DOCK4: variants seen among roughly 807,000 people sequenced by gnomAD.
DOCK4 encodes dedicator of cytokinesis 4, also known as dedicator of cytokinesis protein 4.
In DOCK4, 97 loss-of-function variants were observed where a neutral mutation model predicts 268.1. That is an observed-to-expected ratio of 0.36 (90% confidence interval 0.31 to 0.43). The LOEUF is 0.43. DOCK4 is among the 20% of genes least tolerant of loss of function. The probability of loss-of-function intolerance (pLI) is 1.00; values close to 1 mark genes in which losing one functional copy is unlikely to be tolerated. For missense variants in DOCK4, 2,145 were observed against 2,455.7 expected (o/e 0.87, Z 2.67); for synonymous variants, 954 against 887.2 (o/e 1.08, Z -1.34).
intron 1 of DOCK4, among the ~76,000 whole-genome samples, chr7:112,033,906 A>C (rs1803505409): frequency 6.6e-6 from 1 of 152,226 alleles, no homozygotes; most frequent in Admixed American, 6.5e-5. Context: ...CTGAAGCAAT[A>C]CCTAGAAATA....
chr7:111,863,347 A>ATT, intron 23 of DOCK4, 25 bp downstream of exon 23: 1 of 1,613,802 alleles, frequency 6.2e-7, no homozygotes, highest in Non-Finnish European at 8.5e-7. Flanking sequence ...CAGAGGCACA[A>ATT]TTTCCTCCAA....
intron 4 of DOCK4, among the ~76,000 whole-genome samples, chr7:111,996,897 C>G (rs1008976257): frequency 6.6e-6 from 1 of 152,208 alleles, no homozygotes; most frequent in Non-Finnish European, 1.5e-5. Flanking sequence ...TTGACATCAT[C>G]TTTGCTAGCA....
chr7:112,076,190 T>A (rs776204908), intron 1 of DOCK4, among the ~76,000 whole-genome samples: 1 of 152,146 alleles, frequency 6.6e-6, no homozygotes, highest in Non-Finnish European at 1.5e-5. Flanking sequence ...GTAAACAGTA[T>A]GTTTTGTTTT....
intron 1 of DOCK4, among the ~76,000 whole-genome samples, chr7:112,172,394 AT>A (rs1026840750): frequency 4.6e-5 from 7 of 152,186 alleles, no homozygotes; most frequent in Admixed American, 6.5e-5. Context: ...TGAGAAAGGA[AT>A]TTGGGCCATA....
chr7:111,758,258 C>A (rs1359216801), intron 41 of DOCK4, among the ~76,000 whole-genome samples: 1 of 152,160 alleles, frequency 6.6e-6, no homozygotes, highest in Non-Finnish European at 1.5e-5. Context: ...AAATAAACAT[C>A]CCAAGATTCC....
Position 111,728,431 on chromosome 7 carries a change from G to C in DOCK4, c.5771C>G (p.Pro1924Arg), listed in dbSNP as rs757830448. ...GGGGATGGAGAGGCTGTGAGGTAGC[G>C]GGACGGGGCGCCGCAGAGTCCGCTC... ...VYERTLRRPV[P>R]LPHSLSIPVT... Residue 1924 changes from proline to arginine, a missense_variant, in exon 53 of 53, where the codon CCG becomes CGG. This residue lies in a region of DOCK4 where 547 missense variants were observed against 469.0 expected (regional missense o/e 1.17). Transcript: ENST00000428084. 16 of 1,588,550 alleles carry C rather than the reference G, an allele frequency of 1.0e-5. No individual in the cohort carries two copies. The highest frequency in any genetic ancestry group is 1.4e-5 in the Non-Finnish European group (16 of 1,165,744).
chr7:111,798,227 G>A (rs1008051542), intron 30 of DOCK4, among the ~76,000 whole-genome samples: 2 of 152,236 alleles, frequency 1.3e-5, no homozygotes, highest in Non-Finnish European at 2.9e-5. Context: ...CAGAGGTGGA[G>A]GTCACTGGGT....
chr7:112,200,725 T>TAAAAAAAAAAAAAAAAAAAA (rs1335683859), intron 1 of DOCK4, among the ~76,000 whole-genome samples: 4 of 102,784 alleles, frequency 3.9e-5, no homozygotes, highest in East Asian at 3.2e-4. Flanking sequence ...GCCTCTAAAA[T>TAAAAAAAAAAAAAAAAAAAA]AAAAAAAAAA....
intron 13 of DOCK4, among the ~76,000 whole-genome samples, chr7:111,907,153 A>T (rs941115134): frequency 6.6e-6 from 1 of 151,892 alleles, no homozygotes; most frequent in Admixed American, 6.6e-5. Context: ...TATATCTCCA[A>T]TTCTCACACA....
intron 8 of DOCK4, among the ~76,000 whole-genome samples, chr7:111,956,698 T>G (rs1033374687): frequency 1.3e-5 from 2 of 152,214 alleles, no homozygotes; most frequent in African/African-American, 4.8e-5. Flanking sequence ...TTGCAACATG[T>G]GGATTCAGTA....
intron 1 of DOCK4, among the ~76,000 whole-genome samples, chr7:112,055,705 C>T (rs1460944969): frequency 6.6e-6 from 1 of 152,014 alleles, no homozygotes; most frequent in Non-Finnish European, 1.5e-5. Context: ...ACCAGGAGTT[C>T]GAAACCAGCC....
chr7:112,117,974 C>G (rs1289744357), intron 1 of DOCK4, among the ~76,000 whole-genome samples: 2 of 152,010 alleles, frequency 1.3e-5, no homozygotes, highest in Admixed American at 1.3e-4. Context: ...TCTCATATCA[C>G]CATAAGAAAG....
intron 1 of DOCK4, among the ~76,000 whole-genome samples, chr7:112,191,660 C>T (rs988671334): frequency 2.0e-5 from 3 of 152,132 alleles, no homozygotes; most frequent in African/African-American, 7.2e-5. Flanking sequence ...GGCCCTAAGT[C>T]GTATGTACAA....
intron 1 of DOCK4, among the ~76,000 whole-genome samples, chr7:112,098,416 A>G (rs1240320049): frequency 6.6e-6 from 1 of 151,822 alleles, no homozygotes; most frequent in Non-Finnish European, 1.5e-5. Flanking sequence ...TGACCTCATG[A>G]GCCCCCCACC....
chr7:112,127,741 C>G (rs1813373669), intron 1 of DOCK4, among the ~76,000 whole-genome samples: 1 of 152,074 alleles, frequency 6.6e-6, no homozygotes, highest in South Asian at 2.1e-4. Context: ...TAAAGAAAGC[C>G]TAAGCTTGGC....
At chr7:111,843,154 T>C (rs570368789) in intron 25 of DOCK4, among the ~76,000 whole-genome samples, 3 of 152,252 alleles carry the variant, frequency 2.0e-5, no homozygotes, top group Admixed American at 2.0e-4. Flanking sequence ...TATAAAACTA[T>C]ACTACTTTTA....
intron 42 of DOCK4, among the ~76,000 whole-genome samples, chr7:111,751,434 T>C (rs11761844): frequency 0.29 from 43,727 of 151,804 alleles, 6,840 homozygotes; most frequent in South Asian, 0.53. Flanking sequence ...AATAATAGAG[T>C]AAAAATATTT....
intron 23 of DOCK4, among the ~76,000 whole-genome samples, chr7:111,851,412 T>A (rs915901047): frequency 3.9e-5 from 5 of 129,016 alleles, no homozygotes; most frequent in Admixed American, 9.5e-5. Context: ...ACCACTGCAC[T>A]CCAGCCTGGG....
At chr7:112,188,192 C>T (rs946138179) in intron 1 of DOCK4, among the ~76,000 whole-genome samples, 3 of 152,230 alleles carry the variant, frequency 2.0e-5, no homozygotes. Context: ...GAGACCAGCA[C>T]AAACAGTAAA....
Sources: gnomAD v4.1 joint callset for allele counts (sites outside exome capture counted in the v4.1 genomes callset) on GRCh38, gnomAD v4.1.1 for gene constraint, gnomAD v4.1.1 regional missense constraint, MANE v1.5 for transcripts, NCBI Gene and HGNC (gene_info 2026-07-23, HGNC 2026-07-21) for gene names.